Variants in ATP6V1A observed in about 807,000 individuals in gnomAD.
ATP6V1A encodes the protein V-type proton ATPase catalytic subunit A.
ATP6V1A carries 18 observed loss-of-function variants against 70.1 expected under a neutral mutation model. The observed-to-expected ratio is 0.26, with a 90% confidence interval of 0.18 to 0.38. The LOEUF is 0.38. Among genes scored for constraint, ATP6V1A ranks in the 10% least tolerant of loss-of-function variants. The probability of loss-of-function intolerance (pLI) is 1.00; values close to 1 mark genes in which losing one functional copy is unlikely to be tolerated. For synonymous variants in ATP6V1A, 232 were observed against 253.8 expected (o/e 0.91, Z 0.82); for missense variants, 424 against 772.4 (o/e 0.55, Z 5.35).
intron 10 of ATP6V1A, 91 bp downstream of exon 10, chr3:113,795,295 AT>A (rs1709142145): frequency 7.4e-7 from 1 of 1,359,154 alleles, no homozygotes; most frequent in Non-Finnish European, 1.0e-6. Flanking sequence ...AAGAGAGAAT[AT>A]TTAGCTCCCG....
chr3:113,786,092 A>G, intron 5 of ATP6V1A, 140 bp from the exon 6 acceptor site: 1 of 538,856 alleles, frequency 1.9e-6, no homozygotes, highest in Non-Finnish European at 2.8e-6. Context: ...TATATAATTA[A>G]TTATAATAAA....
chr3:113,784,630 TA>T, intron 4 of ATP6V1A, 65 bp from the exon 5 acceptor site: 1 of 1,566,732 alleles, frequency 6.4e-7, no homozygotes, highest in Non-Finnish European at 8.7e-7. Flanking sequence ...ATTTAAATTA[TA>T]GCAGCAGGGG....
intron 1 of ATP6V1A, among the ~76,000 whole-genome samples, chr3:113,770,641 C>T (rs573956413): frequency 4.0e-5 from 6 of 151,880 alleles, no homozygotes; most frequent in South Asian, 2.1e-4. Flanking sequence ...ATCGTGCCAC[C>T]GCACTCCAGC....
chr3:113,768,302 C>T (rs1387950189), intron 1 of ATP6V1A, among the ~76,000 whole-genome samples: 3 of 152,062 alleles, frequency 2.0e-5, no homozygotes, highest in African/African-American at 7.2e-5. Flanking sequence ...TCATTGATGA[C>T]CTTATGTATA....
intron 12 of ATP6V1A, among the ~76,000 whole-genome samples, chr3:113,798,682 CA>C (rs371063359): frequency 1.1e-4 from 17 of 152,200 alleles, no homozygotes; most frequent in East Asian, 7.7e-4. Context: ...CATCACCAAC[CA>C]AATTAGAGGT....
intron 1 of ATP6V1A, among the ~76,000 whole-genome samples, chr3:113,772,932 G>GTTTT (rs766315845): frequency 1.9e-5 from 2 of 105,632 alleles, no homozygotes; most frequent in Non-Finnish European, 3.9e-5. Context: ...CTTAATATTG[G>GTTTT]CTTTTTTTTT....
intron 12 of ATP6V1A, among the ~76,000 whole-genome samples, chr3:113,798,731 A>T (rs1010111566): frequency 2.0e-5 from 3 of 152,206 alleles, no homozygotes; most frequent in Non-Finnish European, 4.4e-5. Flanking sequence ...TTTTTGTAGG[A>T]ATGCTAGGGC....
At chr3:113,781,586 A>G (rs1294552299) in intron 3 of ATP6V1A, among the ~76,000 whole-genome samples, 1 of 152,188 alleles carries the variant, frequency 6.6e-6, no homozygotes, top group Non-Finnish European at 1.5e-5. Context: ...AACTAATGAT[A>G]TTAGAAGCAT....
chr3:113,762,918 A>G (rs902254272), intron 1 of ATP6V1A, among the ~76,000 whole-genome samples: 1 of 152,104 alleles, frequency 6.6e-6, no homozygotes, highest in Non-Finnish European at 1.5e-5. Context: ...TATTCTCAGA[A>G]ATACAGTTTT....
At chr3:113,797,967 TA>T (rs1346137575) in intron 11 of ATP6V1A, among the ~76,000 whole-genome samples, 1 of 152,046 alleles carries the variant, frequency 6.6e-6, no homozygotes, top group Non-Finnish European at 1.5e-5. Flanking sequence ...ACCCCATCTC[TA>T]CTAAAAGTAC....
rs564282403 is a variant in ATP6V1A, at chr3:113,810,734, G to A, written c.*1307G>A. ...ACCAGCTGGGCTGTAGTGATTCCTG[G>A]GGCCAGAGTGGCATTATGTTTTTAC... On this transcript the variant is annotated 3_prime_UTR_variant, in exon 15 of 15. Transcript: ENST00000273398. The A allele has an allele frequency of 1.3e-5, 2 of 152,284 alleles. No individual in the cohort carries two copies. Among genetic ancestry groups the A allele is most frequent in the South Asian group, 4.1e-4 (2 of 4,826 alleles). 9.4% of individuals were successfully genotyped at this position (152,284 alleles called of 1,614,324 possible).
chr3:113,773,899 T>A (rs1708878957), intron 1 of ATP6V1A, among the ~76,000 whole-genome samples: 1 of 152,238 alleles, frequency 6.6e-6, no homozygotes, highest in African/African-American at 2.4e-5. Context: ...TACCTGTTTG[T>A]CTTTTCATTC....
chr3:113,785,404 C>T (rs1166626064), intron 5 of ATP6V1A, among the ~76,000 whole-genome samples: 1 of 151,836 alleles, frequency 6.6e-6, no homozygotes, highest in Admixed American at 6.6e-5. Flanking sequence ...CGTGCCATTG[C>T]ACTCCAGCCT....
intron 1 of ATP6V1A, among the ~76,000 whole-genome samples, chr3:113,776,572 T>G (rs1172491530): frequency 6.6e-6 from 1 of 152,170 alleles, no homozygotes; most frequent in Non-Finnish European, 1.5e-5. Context: ...TAAATGGAAT[T>G]CCATTGACAT....
At chr3:113,785,506 CT>C (rs987781968) in intron 5 of ATP6V1A, among the ~76,000 whole-genome samples, 29,608 of 107,158 alleles carry the variant, frequency 0.28, 2,108 homozygotes, top group Non-Finnish European at 0.3. Flanking sequence ...TTTTTCTTTT[CT>C]TTTTTTTTTT....
rs201023607 is a variant in ATP6V1A, at chr3:113,786,417, A to G, written c.716+34A>G. Reference sequence around the variant, plus strand: ...GAGATGTGTCCCACGATTTTCCCTCAGAGTTATTATATGTGCTTATGTTTT... The same window carrying G: ...GAGATGTGTCCCACGATTTTCCCTCGGAGTTATTATATGTGCTTATGTTTT... On this transcript the variant is annotated intron_variant, in intron 6 of 14. Transcript: ENST00000273398. The G allele has an allele frequency of 1.1e-5, 17 of 1,608,136 alleles. No individual in the cohort carries two copies. The Admixed American group carries it at 1.2e-4, about 11-fold the overall frequency.
chr3:113,805,298 A>G (rs1488746662), intron 13 of ATP6V1A, 56 bp from the exon 14 acceptor site: 14 of 1,527,292 alleles, frequency 9.2e-6, no homozygotes, highest in Non-Finnish European at 1.2e-5. Flanking sequence ...TATATAAAGT[A>G]TGAACCTGTT....
At chr3:113,785,306 G>T (rs920045937) in intron 5 of ATP6V1A, among the ~76,000 whole-genome samples, 2 of 152,062 alleles carry the variant, frequency 1.3e-5, no homozygotes, top group African/African-American at 2.4e-5. Context: ...CAGGCGTGGT[G>T]GCGCACGCCT....
intron 3 of ATP6V1A, among the ~76,000 whole-genome samples, chr3:113,782,524 T>TTCTCTCTCTCTCTC (rs35128741): frequency 1.4e-5 from 2 of 140,236 alleles, no homozygotes; most frequent in African/African-American, 5.2e-5. Flanking sequence ...TTTCTTTCCT[T>TTCTCTCTCTCTCTC]TCTCTCTCTC....
Sources: gnomAD v4.1 joint callset for allele counts (sites outside exome capture counted in the v4.1 genomes callset) on GRCh38, gnomAD v4.1.1 for gene constraint, MANE v1.5 for transcripts, NCBI Gene and HGNC (gene_info 2026-07-23, HGNC 2026-07-21) for gene names.